DKK3: variants seen among roughly 807,000 people sequenced by gnomAD.
The protein encoded by DKK3 is dickkopf Wnt signaling pathway inhibitor 3.
Under a neutral mutation model 33.2 loss-of-function variants are expected in DKK3, and 22 were observed. The observed-to-expected ratio is 0.66, with a 90% CI of 0.47 to 0.95. The LOEUF (loss-of-function observed/expected upper bound fraction) is 0.95, where lower values mean the gene tolerates loss of function less well. Among genes scored for constraint, DKK3 ranks in the 40% least tolerant of loss-of-function variants. The probability of loss-of-function intolerance (pLI) is 0.00; values close to 1 mark genes in which losing one functional copy is unlikely to be tolerated. For synonymous variants in DKK3, 194 were observed against 188.8 expected (o/e 1.03, Z -0.23); for missense variants, 398 against 458.4 (o/e 0.87, Z 1.20).
intron 6 of DKK3, 117 bp from the exon 7 acceptor site, chr11:11,964,803 G>C (rs924231086): frequency 3.1e-5 from 47 of 1,509,156 alleles, no homozygotes; most frequent in Non-Finnish European, 4.1e-5. Context: ...CTCCTCTCCT[G>C]TCTCTTCAAC....
Position 11,964,658 on chromosome 11 carries a change from T to C in DKK3, c.859A>G (p.Thr287Ala). The C allele has an allele frequency of 6.2e-7, 1 of 1,613,952 alleles. No homozygotes were observed. Among genetic ancestry groups the C allele is most frequent in the South Asian group, 1.1e-5 (1 of 91,076 alleles). ...TCTTGGTCACGGCTCCCCACGAAGG[T>C]CGGCTTGCACACATACACCAGGCTG... ...SHSLVYVCKP[T>A]FVGSRDQDGE... The change falls in exon 7 of 7, where the codon ACC becomes GCC. Residue 287 changes from threonine (T) to alanine (A), a missense_variant. Transcript: ENST00000683431.
chr11:11,998,723 C>G lies in DKK3; in HGVS notation c.408G>C (p.Val136=). The G allele has an allele frequency of 1.2e-6, 2 of 1,614,180 alleles. No homozygotes were observed. Among genetic ancestry groups the G allele is most frequent in the Middle Eastern group, 1.6e-4 (1 of 6,062 alleles). The change falls in exon 3 of 7, where the codon GTG becomes GTC. Residue 136 remains valine, a synonymous_variant. Transcript: ENST00000683431. ...GGCTCCTTCTGCCTTCTTCGTCTCCCACAGATGTGATAACTGTCTCTGAAA... is the reference window on the plus strand; with the variant it reads ...GGCTCCTTCTGCCTTCTTCGTCTCCGACAGATGTGATAACTGTCTCTGAAA... ...MVFSETVITS[V]GDEEGRRSHE...
chr11:11,982,972 T>C (rs1847988258), intron 3 of DKK3, among the ~76,000 whole-genome samples: 1 of 152,228 alleles, frequency 6.6e-6, no homozygotes, highest in African/African-American at 2.4e-5. Flanking sequence ...ATGCAGGGGA[T>C]GAGGGCTAGG....
At position 11,987,079 on chromosome 11, in the gene DKK3, C is replaced by T. The variant is rs1044721767; in HGVS notation, c.435+11617G>A. Among the ~76,000 whole-genome samples, 5 of 152,206 alleles carry T rather than the reference C, an allele frequency of 3.3e-5. No individual in the cohort carries two copies. The East Asian group carries it at 5.8e-4, about 18-fold the overall frequency. ...AAGTATGTATTCAACTACTCAACCC[C>T]TATCCATGTCCAGCACAGACACAGG... On this transcript the variant is annotated intron_variant, in intron 3 of 6. Coordinates refer to ENST00000683431, the MANE Select transcript of DKK3 (RefSeq NM_001018057.2).
upstream of DKK3, chr11:12,009,353 C>G (rs1410811063): frequency 1.0e-6 from 1 of 966,758 alleles, no homozygotes; most frequent in African/African-American, 1.8e-5. Flanking sequence ...CGCCCGCCCA[C>G]CAGGCTCCCT....
intron 3 of DKK3, among the ~76,000 whole-genome samples, chr11:11,989,206 T>C (rs1303430744): frequency 6.6e-6 from 1 of 152,152 alleles, no homozygotes; most frequent in Non-Finnish European, 1.5e-5. Flanking sequence ...TGGGTATATA[T>C]CCAAAAGAAG....
rs140206806 is a variant in DKK3, at chr11:11,998,428, A to G, written c.435+268T>C. ...GTCAACATGTCTGGTACTTGCTTGTACCCCTTTCAAAGCTGAGATGGGCCA... is the reference window on the plus strand; with the variant it reads ...GTCAACATGTCTGGTACTTGCTTGTGCCCCTTTCAAAGCTGAGATGGGCCA... On this transcript the variant is annotated intron_variant, in intron 3 of 6. Coordinates refer to ENST00000683431, the MANE Select transcript of DKK3 (RefSeq NM_001018057.2). The G allele has an allele frequency of 1.1e-3, 639 of 556,390 alleles. 4 individuals carry two copies. The highest frequency in any genetic ancestry group is 0.011 in the African/African-American group (593 of 53,034). The allele number at this position is 556,390 out of a possible 1,614,324, so 34.5% of individuals were successfully genotyped here.
intron 3 of DKK3, among the ~76,000 whole-genome samples, chr11:11,989,376 A>G (rs1419391960): frequency 1.3e-5 from 2 of 152,246 alleles, no homozygotes; most frequent in Admixed American, 6.5e-5. Context: ...ATATCTATGT[A>G]TATACACAAA....
rs781182627 is a variant in DKK3, at chr11:11,963,992, G to A, written c.*472C>T. 15 of 169,634 alleles carry A rather than the reference G, an allele frequency of 8.8e-5. No individual in the cohort carries two copies. Among genetic ancestry groups the A allele is most frequent in the Non-Finnish European group, 1.7e-4 (13 of 78,272 alleles). 10.5% of individuals were successfully genotyped at this position (169,634 alleles called of 1,614,324 possible). A position where few individuals can be genotyped will look rare whatever the true frequency, so the allele number is the denominator to read the frequency against. On this transcript the variant is annotated 3_prime_UTR_variant, in exon 7 of 7. Coordinates refer to ENST00000683431, the MANE Select transcript of DKK3 (RefSeq NM_001018057.2). ...AACATTTCATCTGCAACAGCTGAAG[G>A]CACAGCTTACCTATGCCCATGGAAA...
At chr11:11,988,676 A>G (rs1455707270) in intron 3 of DKK3, among the ~76,000 whole-genome samples, 1 of 152,168 alleles carries the variant, frequency 6.6e-6, no homozygotes, top group Non-Finnish European at 1.5e-5. Context: ...GTCTTTGAGG[A>G]CACCATGGAG....
chr11:11,982,375 C>T (rs1021608678), intron 3 of DKK3, among the ~76,000 whole-genome samples: 2 of 152,120 alleles, frequency 1.3e-5, no homozygotes, highest in African/African-American at 4.8e-5. Context: ...CCACCAGCTT[C>T]CCCGTGGCGC....
upstream of DKK3, chr11:12,008,831 A>C: frequency 8.6e-7 from 1 of 1,158,024 alleles, no homozygotes; most frequent in African/African-American, 1.7e-5. The surrounding 1 kb of genome is among the most constrained non-coding windows in gnomAD (Gnocchi z 4.6). Flanking sequence ...AGGACCCCGC[A>C]CCCCCATCCT....
At chr11:11,975,414 G>T (rs1376993094) in intron 3 of DKK3, among the ~76,000 whole-genome samples, 2 of 152,240 alleles carry the variant, frequency 1.3e-5, no homozygotes, top group East Asian at 3.8e-4. Context: ...GTCACTGAAG[G>T]TTTGGGTGGG....
intron 3 of DKK3, among the ~76,000 whole-genome samples, chr11:11,972,074 G>A (rs930402677): frequency 6.6e-6 from 1 of 152,158 alleles, no homozygotes; most frequent in African/African-American, 2.4e-5. Context: ...GAGACTTCCG[G>A]ACTCCAAGGT....
At chr11:11,996,138 T>C (rs1393494429) in intron 3 of DKK3, among the ~76,000 whole-genome samples, 1 of 152,222 alleles carries the variant, frequency 6.6e-6, no homozygotes, top group Non-Finnish European at 1.5e-5. Flanking sequence ...TGATTTGTCC[T>C]TTGCCATGGC....
Position 12,008,115 on chromosome 11 carries a change from G to A in DKK3, c.213+255C>T, listed in dbSNP as rs539642246. Among the ~76,000 whole-genome samples, 1 of 152,084 alleles carries A rather than the reference G, an allele frequency of 6.6e-6. No individual in the cohort carries two copies. The highest frequency in any genetic ancestry group is 1.5e-5 in the Non-Finnish European group (1 of 67,988). ...CAACTGCAGGCAGGTGGTGGCCCCA[G>A]CTACCTAGGGAGGGTCCAGTGCAGA... On this transcript the variant is annotated intron_variant, in intron 1 of 6. Transcript: ENST00000683431. The surrounding 1 kb of genome is among the most constrained non-coding windows in gnomAD (Gnocchi z 4.6).
In DKK3 at chr11:11,965,331, G is replaced by A. The variant is rs114264231; in HGVS notation, c.830+478C>T. Reference sequence around the variant, plus strand: ...GGAGAGAAGACTGAGTAGAGGCTGCGGGGAGGACAGGGAGATGTGCCCTGA... The same window carrying A: ...GGAGAGAAGACTGAGTAGAGGCTGCAGGGAGGACAGGGAGATGTGCCCTGA... On this transcript the variant is annotated intron_variant, in intron 6 of 6. Coordinates refer to ENST00000683431, the MANE Select transcript of DKK3 (RefSeq NM_001018057.2). 8.6e-3 allele frequency among the ~76,000 whole-genome samples: 1,313 copies of A among 152,286 alleles called. 12 individuals are homozygous for A. The highest frequency in any genetic ancestry group is 0.03 in the African/African-American group (1,241 of 41,556).
At chr11:11,998,549 T>C (rs1848348469) in intron 3 of DKK3, 147 bp downstream of exon 3, 4 of 740,140 alleles carry the variant, frequency 5.4e-6, no homozygotes, top group Non-Finnish European at 4.9e-6. Context: ...TGGTCAGAAA[T>C]GTAGGAATTG....
At chr11:11,985,068 T>C (rs1158901568) in intron 3 of DKK3, among the ~76,000 whole-genome samples, 2 of 152,196 alleles carry the variant, frequency 1.3e-5, no homozygotes, top group Admixed American at 1.3e-4. Flanking sequence ...TTCACTTTTG[T>C]GGGATGGCAA....
Sources: allele counts gnomAD v4.1 joint callset (sites outside exome capture counted in the v4.1 genomes callset), GRCh38; gene constraint gnomAD v4.1.1; non-coding constraint Gnocchi (gnomAD v3.1); transcripts MANE v1.5; gene names NCBI Gene and HGNC (gene_info 2026-07-23, HGNC 2026-07-21).